PXDN: variants seen among roughly 807,000 people sequenced by gnomAD.
PXDN encodes the protein peroxidasin homolog.
Under a neutral mutation model 140.3 loss-of-function variants are expected in PXDN, and 77 were observed. The ratio of observed to expected loss-of-function variants is 0.55; its 90% CI spans 0.46 to 0.66. The LOEUF is 0.66. Among genes scored for constraint, PXDN ranks in the 30% least tolerant of loss-of-function variants. The pLI is 0.00. For synonymous variants in PXDN, 911 were observed against 857.4 expected (o/e 1.06, Z -1.09); for missense variants, 1,838 against 2,039.5 (o/e 0.90, Z 1.90).
intron 1 of PXDN, among the ~76,000 whole-genome samples, chr2:1,709,525 C>T (rs1467646778): frequency 6.6e-6 from 1 of 152,172 alleles, no homozygotes; most frequent in Non-Finnish European, 1.5e-5. Flanking sequence ...CCGGAGCCAG[C>T]TTGGAGCTTC....
intron 14 of PXDN, among the ~76,000 whole-genome samples, chr2:1,658,110 G>A (rs1208321709): frequency 7.4e-6 from 1 of 135,090 alleles, no homozygotes; most frequent in African/African-American, 3.0e-5. Flanking sequence ...GTGTCTGCGT[G>A]CGTCCACTCT....
chr2:1,730,581 C>T (rs909705494), intron 1 of PXDN, among the ~76,000 whole-genome samples: 2 of 152,212 alleles, frequency 1.3e-5, no homozygotes, highest in Non-Finnish European at 2.9e-5. Context: ...ACGGCCCAGC[C>T]ACAGGCAGGG....
At chr2:1,691,373 T>C (rs1684179509) in intron 3 of PXDN, among the ~76,000 whole-genome samples, 1 of 152,160 alleles carries the variant, frequency 6.6e-6, no homozygotes, top group Admixed American at 6.5e-5. Context: ...AGAAGATATG[T>C]TAAATGAAAA....
intron 21 of PXDN, among the ~76,000 whole-genome samples, chr2:1,638,203 G>A (rs1187320776): frequency 2.0e-5 from 3 of 152,172 alleles, no homozygotes; most frequent in African/African-American, 7.2e-5. Context: ...CACCAGCGGA[G>A]TGAGCGCACT....
At chr2:1,679,738 GTGTGCGTGTA>G (rs1683831656) in intron 7 of PXDN, among the ~76,000 whole-genome samples, 1 of 151,070 alleles carries the variant, frequency 6.6e-6, no homozygotes, top group African/African-American at 2.4e-5. Flanking sequence ...TGTGGATGGT[GTGTGCGTGTA>G]TGTGCGTGTG....
intron 1 of PXDN, among the ~76,000 whole-genome samples, chr2:1,708,357 T>C (rs1025186002): frequency 1.3e-5 from 2 of 152,208 alleles, no homozygotes; most frequent in African/African-American, 4.8e-5. Flanking sequence ...TCCTCTTTGG[T>C]CTGGGCCTGG....
intron 1 of PXDN, among the ~76,000 whole-genome samples, chr2:1,729,700 A>C (rs1558530051): frequency 6.6e-6 from 1 of 152,162 alleles, no homozygotes; most frequent in Admixed American, 6.5e-5. Flanking sequence ...TTCCCCAAAA[A>C]TCTACTGAAA....
intron 1 of PXDN, among the ~76,000 whole-genome samples, chr2:1,710,092 T>C (rs1572181312): frequency 6.6e-6 from 1 of 152,296 alleles, no homozygotes; most frequent in African/African-American, 2.4e-5. Flanking sequence ...TCCTCCAGTT[T>C]TGCACTATTA....
At chr2:1,741,986 A>C (rs1055774243) in intron 1 of PXDN, among the ~76,000 whole-genome samples, 1 of 151,992 alleles carries the variant, frequency 6.6e-6, no homozygotes, top group Non-Finnish European at 1.5e-5. Flanking sequence ...CTGCCTCCCC[A>C]GGCTGCACTC....
chr2:1,663,742 C>T lies in PXDN; in HGVS notation c.1430G>A (p.Arg477Gln), dbSNP rs757747797. ...TCCCGATGACAGGACCAGGTGCCGC[C>T]GGTCCACGGAGAGCTGGCTCCCTGC... The part of the protein sequence containing the change: ...TKGGSQLSVD[R>Q]RHLVLSSGTL... The change falls in exon 12 of 23, where the codon CGG (arginine) becomes CAG (glutamine). Residue 477 changes from arginine (R) to glutamine (Q), a missense_variant. Arg to Gln is a conservative substitution (Grantham distance 43). Around this residue, in one of 5 missense-constraint regions of PXDN, gnomAD observed 537 missense variants for 583.9 expected, o/e 0.92. Coordinates refer to ENST00000252804, the MANE Select transcript of PXDN (RefSeq NM_012293.3). The T allele has an allele frequency of 5.6e-6, 9 of 1,613,022 alleles. No homozygotes were observed. The highest frequency in any genetic ancestry group is 1.3e-5 in the African/African-American group (1 of 74,928).
In PXDN at chr2:1,663,873, G is replaced by T. The variant is rs564951670; in HGVS notation, c.1409-110C>A. ...TTGTCTCCACCTGGGTCGGGGCGCC[G>T]GATAATTTGGCCTGGCCCTGCATAA... On this transcript the variant is annotated intron_variant, in intron 11 of 22. Transcript: ENST00000252804. 5 of 1,408,640 alleles carry T rather than the reference G, an allele frequency of 3.5e-6. No homozygotes were observed. In the Middle Eastern group the frequency reaches 7.8e-4, roughly 221 times the overall value. 87.3% of individuals were successfully genotyped at this position (1,408,640 alleles called of 1,614,324 possible).
intron 7 of PXDN, 86 bp downstream of exon 7, chr2:1,680,107 T>TTGCGTGTGTAGATGG (rs1683854412): frequency 1.8e-6 from 2 of 1,085,350 alleles, no homozygotes; most frequent in Non-Finnish European, 1.2e-6. Context: ...TGTGTGGATG[T>TTGCGTGTGTAGATGG]TGTGTGTGTA....
chr2:1,697,733 G>C (rs566128977), intron 1 of PXDN, among the ~76,000 whole-genome samples: 1 of 152,306 alleles, frequency 6.6e-6, no homozygotes, highest in East Asian at 1.9e-4. Flanking sequence ...GTCTCCCCAG[G>C]GGGCTGAGGG....
chr2:1,718,329 C>G (rs1454737481), intron 1 of PXDN, among the ~76,000 whole-genome samples: 2 of 152,014 alleles, frequency 1.3e-5, no homozygotes, highest in African/African-American at 4.8e-5. Context: ...CAAACCTACT[C>G]CACTAATCTA....
Position 1,634,134 on chromosome 2 carries a change from AGCTCCCTGCCATCG to A in PXDN, c.*56_*69del. 2 of 1,538,382 alleles carry A rather than the reference AGCTCCCTGCCATCG, an allele frequency of 1.3e-6. No individual in the cohort carries two copies. Among genetic ancestry groups the A allele is most frequent in the East Asian group, 4.9e-5 (2 of 40,588 alleles). On this transcript the variant is annotated 3_prime_UTR_variant, in exon 23 of 23. Coordinates refer to ENST00000252804, the MANE Select transcript of PXDN (RefSeq NM_012293.3). The stretch of plus-strand genomic sequence containing the variant: ...GGGTGTTTCCTGGTCTGCAGTCCGC[AGCTCCCTGCCATCG>A]GCCACCCGATCTCACGATGGCACAG...
At chr2:1,638,746 C>T (rs1402986976) in intron 21 of PXDN, 100 bp downstream of exon 21, 5 of 1,551,966 alleles carry the variant, frequency 3.2e-6, no homozygotes, top group Non-Finnish European at 4.4e-6. Flanking sequence ...GGCAGTTGAA[C>T]AGTTGCCTGG....
At chr2:1,736,722 C>T (rs1193509507) in intron 1 of PXDN, among the ~76,000 whole-genome samples, 1 of 152,138 alleles carries the variant, frequency 6.6e-6, no homozygotes, top group African/African-American at 2.4e-5. Flanking sequence ...CCTATAGTCC[C>T]AGCTACTCAG....
rs117059091 is a variant in PXDN at position 1,698,793 on chromosome 2, G to A, written c.201-5659C>T. ...TCTGACCTACTTAGGGAACGTCGAC[G>A]CCAACACAAGCCCTCTCAAGTTCAA... On this transcript the variant is annotated intron_variant, in intron 1 of 22. Coordinates refer to ENST00000252804, the MANE Select transcript of PXDN (RefSeq NM_012293.3). Among the ~76,000 whole-genome samples, 315 of 152,236 alleles carry A rather than the reference G, an allele frequency of 2.1e-3. 5 individuals are homozygous for A. The East Asian group carries it at 0.053, about 26-fold the overall frequency.
At chr2:1,683,090 C>A (rs369427494) in intron 6 of PXDN, among the ~76,000 whole-genome samples, 1 of 151,442 alleles carries the variant, frequency 6.6e-6, no homozygotes, top group Non-Finnish European at 1.5e-5. Flanking sequence ...CGATTTAAAT[C>A]GTCTTTAATG....
Sources: gnomAD v4.1 joint callset for allele counts (sites outside exome capture counted in the v4.1 genomes callset) on GRCh38, gnomAD v4.1.1 for gene constraint, gnomAD v4.1.1 regional missense constraint, MANE v1.5 for transcripts, NCBI Gene and HGNC (gene_info 2026-07-23, HGNC 2026-07-21) for gene names.